ACAD10: variants seen among roughly 807,000 people sequenced by gnomAD.
The protein encoded by ACAD10 is ACAD-10.
Under a neutral mutation model 116.8 loss-of-function variants are expected in ACAD10, and 112 were observed. The observed-to-expected ratio is 0.96, with a 90% CI of 0.82 to 1.12. ACAD10 has a LOEUF of 1.12. ACAD10 is among the 50% of genes most tolerant of loss of function. The pLI, the probability that ACAD10 is intolerant of heterozygous loss-of-function variation, is 0.00. For synonymous variants in ACAD10, 486 were observed against 510.6 expected, an observed-to-expected ratio of 0.95 and a Z score of 0.65; for missense variants, 1,259 against 1,350.2, an observed-to-expected ratio of 0.93 and a Z score of 1.06.
intron 2 of ACAD10, among the ~76,000 whole-genome samples, chr12:111,700,016 C>T (rs1321382599): frequency 6.6e-6 from 1 of 152,110 alleles, no homozygotes; most frequent in Non-Finnish European, 1.5e-5. Flanking sequence ...CAATAATAGA[C>T]AATAGTAAAC....
chr12:111,744,500 T>C (rs1889832241), intron 12 of ACAD10, 143 bp from the exon 13 acceptor site: 2 of 968,784 alleles, frequency 2.1e-6, no homozygotes, highest in Non-Finnish European at 1.5e-6. Flanking sequence ...CAGTGAGCTA[T>C]AGTGGCTCTT....
chr12:111,752,404 G>A (rs544271827), intron 18 of ACAD10, among the ~76,000 whole-genome samples: 1 of 151,796 alleles, frequency 6.6e-6, no homozygotes, highest in African/African-American at 2.4e-5. Flanking sequence ...AGGAGTTCAA[G>A]ACCAGTCAGG....
chr12:111,703,926 A>C (rs1191223051), intron 3 of ACAD10, among the ~76,000 whole-genome samples: 2 of 147,504 alleles, frequency 1.4e-5, no homozygotes, highest in Admixed American at 1.4e-4. Flanking sequence ...TATATATATA[A>C]ACATATATGT....
intron 3 of ACAD10, among the ~76,000 whole-genome samples, chr12:111,703,005 G>A (rs1257996120): frequency 6.6e-6 from 1 of 150,566 alleles, no homozygotes; most frequent in African/African-American, 2.5e-5. Context: ...TGAGGCTTGA[G>A]CCCTAGGGAT....
chr12:111,721,512 G>A (rs1001281008), intron 7 of ACAD10, among the ~76,000 whole-genome samples, 159 bp from the exon 8 acceptor site: 10 of 152,200 alleles, frequency 6.6e-5, no homozygotes, highest in Non-Finnish European at 4.4e-5. Flanking sequence ...AGGTTGCAGT[G>A]AGCCAAGATC....
chr12:111,728,266 C>T lies in ACAD10; in HGVS notation c.1243+123C>T, dbSNP rs1889283235. On this transcript the variant is annotated intron_variant, in intron 9 of 20. Coordinates refer to ENST00000313698, the MANE Select transcript of ACAD10 (RefSeq NM_025247.6). ...ACCAAGCGTAAGGCAGACTTAGCTT[C>T]TTCCTTGGAAATCCAGTTTAGTTTT... 4 of 971,902 alleles carry T rather than the reference C, an allele frequency of 4.1e-6. No individual in the cohort carries two copies. In the South Asian group the frequency reaches 9.3e-5, roughly 23 times the overall value. The allele number at this position is 971,902 out of a possible 1,614,324, so 60.2% of individuals were successfully genotyped here. A position where few individuals can be genotyped will look rare whatever the true frequency, so the allele number is the denominator to read the frequency against.
In ACAD10 at chr12:111,749,242, G is replaced by A. The variant is rs773398824; in HGVS notation, c.2714G>A (p.Arg905Gln). The A allele has an allele frequency of 6.8e-6, 11 of 1,613,950 alleles. No individual in the cohort carries two copies. Among genetic ancestry groups the A allele is most frequent in the Middle Eastern group, 1.6e-4 (1 of 6,084 alleles). Residue 905 changes from arginine to glutamine, a missense_variant, in exon 18 of 21, where the codon CGA becomes CAA. Physicochemically the swap from Arg to Gln is conservative, Grantham distance 43. Transcript: ENST00000313698. ...GAGAACATGGTCCTGGGCCCTGGCC[G>A]AGGCTTTGAGATCGCCCAGGGCAGA... ...PKENMVLGPG[R>Q]GFEIAQGRLG...
chr12:111,690,188 G>T (rs1887996085), intron 1 of ACAD10, among the ~76,000 whole-genome samples: 1 of 152,150 alleles, frequency 6.6e-6, no homozygotes, highest in South Asian at 2.1e-4. Flanking sequence ...TTTGGAACCA[G>T]AAGTAGTTCA....
chr12:111,729,594 G>T (rs573084731), intron 9 of ACAD10, among the ~76,000 whole-genome samples: 1 of 152,160 alleles, frequency 6.6e-6, no homozygotes, highest in Non-Finnish European at 1.5e-5. Context: ...ACAGCACCCA[G>T]ACCACACTAA....
intron 8 of ACAD10, among the ~76,000 whole-genome samples, chr12:111,724,981 G>A (rs1006937230): frequency 6.6e-6 from 1 of 152,126 alleles, no homozygotes; most frequent in African/African-American, 2.4e-5. Context: ...CTTTCCTAAT[G>A]TTTTAATTAT....
chr12:111,692,597 T>G, intron 1 of ACAD10, 100 bp from the exon 2 acceptor site: 1 of 1,176,048 alleles, frequency 8.5e-7, no homozygotes, highest in Non-Finnish European at 1.2e-6. Flanking sequence ...CTGTTGGAGA[T>G]GGGTTAGAGA....
At position 111,715,704 on chromosome 12, in the gene ACAD10, G is replaced by T. The variant is rs1888822539; in HGVS notation, c.851-117G>T. 4.9e-6 allele frequency: 7 copies of T among 1,418,442 alleles called. No individual in the cohort carries two copies. The South Asian group carries it at 5.2e-5, about 11-fold the overall frequency. 87.9% of individuals were successfully genotyped at this position (1,418,442 alleles called of 1,614,324 possible). ...AGAGAAGAGGTACTTTTCTTGCACT[G>T]CATGGCAGATGAGGATATTTTGAAG... is the stretch of plus-strand genomic sequence containing the variant. On this transcript the variant is annotated intron_variant, in intron 6 of 20. Transcript: ENST00000313698.
chr12:111,723,217 ACGGGGCGGC>A, intron 8 of ACAD10, among the ~76,000 whole-genome samples: 1 of 121,918 alleles, frequency 8.2e-6, no homozygotes, highest in African/African-American at 3.1e-5. Flanking sequence ...TCCCTCCCGG[ACGGGGCGGC>A]TGGCCGGGCA....
At chr12:111,737,105 G>T in intron 12 of ACAD10, 101 bp downstream of exon 12, 2 of 1,130,480 alleles carry the variant, frequency 1.8e-6, no homozygotes, top group South Asian at 1.9e-5. Flanking sequence ...GCTTTGGAGA[G>T]ACCGATTTGG....
At position 111,745,051 on chromosome 12, in the gene ACAD10, A is replaced by G; in HGVS notation, c.2115+8A>G. 6.2e-7 allele frequency: 1 copy of G among 1,608,298 alleles called. No individual in the cohort carries two copies. The highest frequency in any genetic ancestry group is 8.5e-7 in the Non-Finnish European group (1 of 1,177,556). ...CTGATCGAAGACCTCAAGGTAAAGCAGCCATGGTGAGGTGGTAAGACCCCA... is the reference window on the plus strand; with the variant it reads ...CTGATCGAAGACCTCAAGGTAAAGCGGCCATGGTGAGGTGGTAAGACCCCA... On this transcript the variant is annotated splice_region_variant and intron_variant, in intron 13 of 20. Coordinates refer to ENST00000313698, the MANE Select transcript of ACAD10 (RefSeq NM_025247.6).
At chr12:111,715,636 G>A (rs1015421290) in intron 6 of ACAD10, 185 bp from the exon 7 acceptor site, 4 of 657,900 alleles carry the variant, frequency 6.1e-6, no homozygotes, top group Non-Finnish European at 1.0e-5. Flanking sequence ...CTGGACCTGA[G>A]TTGGCGGAGT....
rs369596415 is a variant in ACAD10, at chr12:111,753,725, A to G, written c.2818-47A>G. The G allele has an allele frequency of 1.7e-5, 27 of 1,613,144 alleles. No individual in the cohort carries two copies. The African/African-American group carries it at 3.2e-4, about 19-fold the overall frequency. On this transcript the variant is annotated intron_variant, in intron 18 of 20. Transcript: ENST00000313698. ...CCACCAGCCCCCGCCTCTCGTGGCC[A>G]CCCCCAGCCCAGCATGTCCTCAGCC... is the stretch of plus-strand genomic sequence containing the variant.
chr12:111,718,754 C>T (rs1158391502), intron 7 of ACAD10, among the ~76,000 whole-genome samples: 1 of 152,112 alleles, frequency 6.6e-6, no homozygotes, highest in African/African-American at 2.4e-5. Context: ...GCTGGGACTA[C>T]AGGTATGAGC....
At chr12:111,723,096 C>A (rs1889073846) in intron 8 of ACAD10, among the ~76,000 whole-genome samples, 1 of 143,658 alleles carries the variant, frequency 7.0e-6, no homozygotes, top group African/African-American at 2.6e-5. Flanking sequence ...GGCGGCCGGG[C>A]AGAGGCGCCC....
Sources: gnomAD v4.1 joint callset for allele counts (sites outside exome capture counted in the v4.1 genomes callset) on GRCh38, gnomAD v4.1.1 for gene constraint, MANE v1.5 for transcripts, NCBI Gene and HGNC (gene_info 2026-07-23, HGNC 2026-07-21) for gene names.